MCCC1: variants seen among roughly 807,000 people sequenced by gnomAD.
The protein encoded by MCCC1 is methylcrotonoyl-CoA carboxylase subunit alpha, mitochondrial.
MCCC1 carries 64 observed loss-of-function variants against 83.8 expected under a neutral mutation model. The observed-to-expected ratio is 0.76, with a 90% CI of 0.62 to 0.94. The LOEUF (loss-of-function observed/expected upper bound fraction) is 0.94. Ranked by LOEUF, MCCC1 falls within the 40% of genes least tolerant of loss-of-function variation. The pLI, the probability that MCCC1 is intolerant of heterozygous loss-of-function variation, is 0.00. For synonymous variants in MCCC1, 322 were observed against 315.4 expected, an observed-to-expected ratio of 1.02 and a Z score of -0.22; for missense variants, 807 against 904.7, an observed-to-expected ratio of 0.89 and a Z score of 1.39.
intron 4 of MCCC1, among the ~76,000 whole-genome samples, chr3:183,086,041 T>C (rs1439859431): frequency 6.6e-6 from 1 of 152,218 alleles, no homozygotes; most frequent in Non-Finnish European, 1.5e-5. Flanking sequence ...ATTTCTGTTA[T>C]TATTAAAGGG....
chr3:183,057,481 C>A (rs748825401), intron 7 of MCCC1, 59 bp from the exon 8 acceptor site: 25 of 1,304,478 alleles, frequency 1.9e-5, no homozygotes, highest in Non-Finnish European at 2.5e-5. Flanking sequence ...ATATCACATT[C>A]GTTAAGCTAA....
chr3:183,054,846 G>C (rs1271847278), intron 8 of MCCC1, among the ~76,000 whole-genome samples: 2 of 151,998 alleles, frequency 1.3e-5, no homozygotes, highest in African/African-American at 4.8e-5. Context: ...TATATGTTTA[G>C]ATACACAAAT....
chr3:183,067,900 A>G (rs1007255945), intron 7 of MCCC1, among the ~76,000 whole-genome samples: 6 of 152,196 alleles, frequency 3.9e-5, no homozygotes, highest in East Asian at 1.9e-4. Context: ...TTAAAAACAC[A>G]TAGTAATCTT....
intron 14 of MCCC1, among the ~76,000 whole-genome samples, chr3:183,029,596 C>T (rs1329360466): frequency 2.6e-5 from 4 of 152,212 alleles, no homozygotes; most frequent in Admixed American, 6.5e-5. Flanking sequence ...CAGAGAATAG[C>T]TTGCAAACCC....
In MCCC1 at chr3:183,064,445, G is replaced by C. The variant is rs1207003688; in HGVS notation, c.761+6554C>G. Among the ~76,000 whole-genome samples, 3 of 152,208 alleles carry C rather than the reference G, an allele frequency of 2.0e-5. No homozygotes were observed. Among genetic ancestry groups the C allele is most frequent in the African/African-American group, 7.2e-5 (3 of 41,470 alleles). ...CTTCCTGGCTTCCCTCGCTCCAGGA[G>C]ACGCTTGGTGGGCACCCAGGAAGCT... On this transcript the variant is annotated intron_variant, in intron 7 of 18. Coordinates refer to ENST00000265594, the MANE Select transcript of MCCC1 (RefSeq NM_020166.5). This position sits in a 1 kb window ranked among gnomAD's most constrained non-coding sequence, Gnocchi z 4.5.
At chr3:183,016,681 G>A (rs187989398) in intron 18 of MCCC1, among the ~76,000 whole-genome samples, 47 of 152,362 alleles carry the variant, frequency 3.1e-4, no homozygotes, top group Admixed American at 1.7e-3. Context: ...GTAAGCTGAG[G>A]AGCATATTCA....
rs1158461277 is a variant in MCCC1 at position 183,024,960 on chromosome 3, T to TAA, written c.1731+793_1731+794dup. Among the ~76,000 whole-genome samples the TAA allele has an allele frequency of 1.0e-3, 135 of 134,798 alleles. 2 individuals carry two copies. Among genetic ancestry groups the TAA allele is most frequent in the African/African-American group, 3.5e-3 (127 of 36,474 alleles). 88.4% of individuals were successfully genotyped at this position (134,798 alleles called of 152,430 possible). ...CATACAACAGAGTATTTTTCACCCT[T>TAA]AAAAAAAAAAAAAAAGGAAATTCTC... On this transcript the variant is annotated intron_variant, in intron 15 of 18. Transcript: ENST00000265594.
chr3:183,055,821 C>T (rs1420152146), intron 8 of MCCC1, among the ~76,000 whole-genome samples: 2 of 151,966 alleles, frequency 1.3e-5, no homozygotes, highest in African/African-American at 4.8e-5. Context: ...TTGCTTGAGC[C>T]CAGGAGTTGG....
rs980966352 is a variant in MCCC1 at position 183,092,424 on chromosome 3, G to A, written c.258C>T (p.Ser86=). ...VAVYSEADRN[S]MHVDMADEAY... ...TAACACATACCATATCTACATGCAT[G>A]GAATTTCTGTCAGCCTCACTATAAA... The change falls in exon 3 of 19, where the codon TCC becomes TCT. Residue 86 remains serine (S), a synonymous_variant. Coordinates refer to ENST00000265594, the MANE Select transcript of MCCC1 (RefSeq NM_020166.5). 3 of 1,614,190 alleles carry A rather than the reference G, an allele frequency of 1.9e-6. No homozygotes were observed. The highest frequency in any genetic ancestry group is 2.5e-6 in the Non-Finnish European group (3 of 1,180,032).
intron 13 of MCCC1, among the ~76,000 whole-genome samples, chr3:183,034,757 T>C (rs1713418420): frequency 6.6e-6 from 1 of 150,790 alleles, no homozygotes; most frequent in African/African-American, 2.4e-5. Context: ...TTTTATGTTG[T>C]TGGCCCAGCC....
chr3:183,114,547 G>A (rs1466415373), intron 1 of MCCC1, among the ~76,000 whole-genome samples: 2 of 152,192 alleles, frequency 1.3e-5, no homozygotes, highest in Non-Finnish European at 2.9e-5. Context: ...GTATTTGAGG[G>A]TGGGGAGAAA....
At position 183,043,326 on chromosome 3, in the gene MCCC1, C is replaced by T. The variant is rs117640703; in HGVS notation, c.1084-1576G>A. On this transcript the variant is annotated intron_variant, in intron 10 of 18. Coordinates refer to ENST00000265594, the MANE Select transcript of MCCC1 (RefSeq NM_020166.5). ...GACTTGTCTTTGCCTGTCCATTTTC[C>T]TCCAAGCTTGGCTTCCACTTGAGCC... is the stretch of plus-strand genomic sequence containing the variant. 8.8e-4 allele frequency among the ~76,000 whole-genome samples: 134 copies of T among 152,368 alleles called. 1 individual carries two copies. The East Asian group carries it at 0.022, about 25-fold the overall frequency.
At chr3:183,016,880 G>A (rs1382344359) in intron 18 of MCCC1, among the ~76,000 whole-genome samples, 2 of 152,170 alleles carry the variant, frequency 1.3e-5, no homozygotes, top group Admixed American at 1.3e-4. Context: ...GGCATCCTTG[G>A]TTCGGCCTTA....
intron 9 of MCCC1, among the ~76,000 whole-genome samples, chr3:183,049,882 G>A (rs1714832013): frequency 6.6e-6 from 1 of 152,246 alleles, no homozygotes. Flanking sequence ...ACTTTGGGAG[G>A]CCAAGGTGGG....
intron 3 of MCCC1, chr3:183,090,808 C>T (rs1002748328): frequency 1.5e-5 from 5 of 328,440 alleles, no homozygotes; most frequent in African/African-American, 4.4e-5. Flanking sequence ...AGGCTGGTCT[C>T]GAACCCTGAC....
At chr3:183,083,688 C>T (rs1717683667) in intron 4 of MCCC1, among the ~76,000 whole-genome samples, 1 of 152,056 alleles carries the variant, frequency 6.6e-6, no homozygotes, top group South Asian at 2.1e-4. Flanking sequence ...CTAGAAGGTT[C>T]TTATTTAAAC....
intron 4 of MCCC1, among the ~76,000 whole-genome samples, chr3:183,075,494 G>A (rs1290217796): frequency 6.6e-6 from 1 of 151,440 alleles, no homozygotes; most frequent in Non-Finnish European, 1.5e-5. Context: ...CATGTTTGTT[G>A]GTCACATGTA....
chr3:183,022,022 A>G (rs1712196466), intron 16 of MCCC1, among the ~76,000 whole-genome samples: 1 of 152,040 alleles, frequency 6.6e-6, no homozygotes, highest in East Asian at 1.9e-4. Flanking sequence ...CTCCTCTCTC[A>G]GTGGTCACCT....
intron 1 of MCCC1, among the ~76,000 whole-genome samples, chr3:183,113,917 T>C (rs1353508441): frequency 2.0e-5 from 3 of 152,004 alleles, no homozygotes; most frequent in Non-Finnish European, 4.4e-5. Context: ...GGAGCTGTCT[T>C]GGGGGGTGAG....
Sources: allele counts gnomAD v4.1 joint callset (sites outside exome capture counted in the v4.1 genomes callset), GRCh38; gene constraint gnomAD v4.1.1; non-coding constraint Gnocchi (gnomAD v3.1); transcripts MANE v1.5; gene names NCBI Gene and HGNC (gene_info 2026-07-23, HGNC 2026-07-21).